SIN3B: variants seen among roughly 807,000 people sequenced by gnomAD.
SIN3B encodes SIN3 transcription regulator family member B.
A neutral mutation model predicts 120.2 loss-of-function variants in SIN3B; 19 were observed. That is an observed-to-expected ratio of 0.16 (90% CI 0.11 to 0.23). The LOEUF (loss-of-function observed/expected upper bound fraction) is 0.23, where lower values mean the gene tolerates loss of function less well. Among genes scored for constraint, SIN3B ranks in the 10% least tolerant of loss-of-function variants. The pLI, the probability that SIN3B is intolerant of heterozygous loss-of-function variation, is 1.00. For missense variants in SIN3B, 1,073 were observed against 1,573.0 expected (o/e 0.68, Z 5.38); for synonymous variants, 654 against 653.2 (o/e 1.00, Z -0.02).
intron 4 of SIN3B, among the ~76,000 whole-genome samples, chr19:16,844,981 G>C (rs1971461860): frequency 6.6e-6 from 1 of 152,170 alleles, no homozygotes; most frequent in Admixed American, 6.5e-5. Context: ...ATACTCCCAC[G>C]GGGTTCTGGT....
chr19:16,871,401 G>A lies in SIN3B; in HGVS notation c.2592+3G>A. Reference sequence around the variant, plus strand: ...TGGTGCAGAACATTGCGCGGCAGGTGAGCCGGGCCGGGGTGGGGCCGGCCC... The same window carrying A: ...TGGTGCAGAACATTGCGCGGCAGGTAAGCCGGGCCGGGGTGGGGCCGGCCC... On this transcript the variant is annotated splice_donor_region_variant and intron_variant, in intron 14 of 18. Coordinates refer to ENST00000248054, the MANE Select transcript of SIN3B (RefSeq NM_001297595.2). 1.3e-6 allele frequency: 2 copies of A among 1,597,126 alleles called. No individual in the cohort carries two copies. Among genetic ancestry groups the A allele is most frequent in the Non-Finnish European group, 1.7e-6 (2 of 1,170,422 alleles).
At chr19:16,842,433 G>T (rs1971430101) in intron 4 of SIN3B, among the ~76,000 whole-genome samples, 1 of 147,104 alleles carries the variant, frequency 6.8e-6, no homozygotes, top group African/African-American at 2.5e-5. Flanking sequence ...TTGAGACAGG[G>T]TCTTGCTCTG....
At chr19:16,829,651 C>T in intron 1 of SIN3B, 111 bp downstream of exon 1, 3 of 1,093,516 alleles carry the variant, frequency 2.7e-6, no homozygotes, top group Non-Finnish European at 3.6e-6. Flanking sequence ...CTCCCCTCTG[C>T]ACTGCCCCGG....
Position 16,862,651 on chromosome 19 carries a change from G to A in SIN3B, c.1266+92G>A. ...CCGATACCCCCGTTATGAATGAAAT[G>A]CTGTGTGCTCAGCCCTCCTGAATGT... On this transcript the variant is annotated intron_variant, in intron 9 of 18. Transcript: ENST00000248054. The surrounding 1 kb of genome is among the most constrained non-coding windows in gnomAD (Gnocchi z 4.7). The A allele has an allele frequency of 7.7e-7, 1 of 1,301,702 alleles. No individual in the cohort carries two copies. The highest frequency in any genetic ancestry group is 1.8e-5 in the Admixed American group (1 of 55,840). 80.6% of individuals were successfully genotyped at this position (1,301,702 alleles called of 1,614,324 possible).
intron 5 of SIN3B, among the ~76,000 whole-genome samples, chr19:16,850,631 G>A (rs1476347627): frequency 2.0e-5 from 3 of 152,100 alleles, no homozygotes; most frequent in Non-Finnish European, 4.4e-5. Flanking sequence ...GGGGAAGGCG[G>A]AGTACGATGG....
chr19:16,830,631 A>G (rs549286736), intron 2 of SIN3B, among the ~76,000 whole-genome samples: 1 of 152,322 alleles, frequency 6.6e-6, no homozygotes, highest in East Asian at 1.9e-4. Flanking sequence ...CTTAGGAAAC[A>G]TGGTGGGGCT....
chr19:16,878,274 G>A lies in SIN3B; in HGVS notation c.3046G>A (p.Val1016Met), dbSNP rs1199662315. Residue 1016 changes from valine (V) to methionine (M), a missense_variant, in exon 18 of 19, where the codon GTG (valine) becomes ATG (methionine). Around this residue, in one of 7 missense-constraint regions of SIN3B, gnomAD observed 311 missense variants for 400.3 expected, o/e 0.78. Coordinates refer to ENST00000248054, the MANE Select transcript of SIN3B (RefSeq NM_001297595.2). Reference protein sequence around the residue: ...ARSSWKRLVGVESACDVDCRF... With the variant: ...ARSSWKRLVGMESACDVDCRF... ...GAGCTCCTGGAAGCGGCTGGTGGGC[G>A]TGGAGAGCGCCTGCGACGTGGACTG... 13 of 1,600,562 alleles carry A rather than the reference G, an allele frequency of 8.1e-6. No individual in the cohort carries two copies. The East Asian group carries it at 9.1e-5, about 11-fold the overall frequency.
chr19:16,875,500 TTGGTCTGGTCTGGTCTGTTTGGTC>T (rs1255545252), intron 14 of SIN3B, among the ~76,000 whole-genome samples: 1 of 144,110 alleles, frequency 6.9e-6, no homozygotes, highest in East Asian at 2.1e-4. Flanking sequence ...CTGGTCTGGT[TTGGTCTGGTCTGGTCTGTTTGGTC>T]TGGTCTGGTC....
At chr19:16,837,783 G>A (rs1971366431) in intron 3 of SIN3B, among the ~76,000 whole-genome samples, 1 of 152,156 alleles carries the variant, frequency 6.6e-6, no homozygotes, top group Non-Finnish European at 1.5e-5. Context: ...GGGGGTGTCA[G>A]TGAGAGTGAG....
Position 16,841,959 on chromosome 19 carries a change from C to T in SIN3B, c.573C>T (p.His191=), listed in dbSNP as rs540641860. ...ACAGGTCATTCCTGGAGATCCTGCA[C>T]ACGTACCAGGTAAGAACTCAGATTA... is the stretch of plus-strand genomic sequence containing the variant. ...EIYRSFLEIL[H]TYQKEQLNTR... Residue 191 remains histidine, a synonymous_variant, in exon 4 of 19, where the codon CAC becomes CAT. Transcript: ENST00000248054. 2 of 1,613,442 alleles carry T rather than the reference C, an allele frequency of 1.2e-6. No homozygotes were observed. Among genetic ancestry groups the T allele is most frequent in the African/African-American group, 1.3e-5 (1 of 75,028 alleles).
intron 12 of SIN3B, 83 bp from the exon 13 acceptor site, chr19:16,869,377 T>C: frequency 6.8e-7 from 1 of 1,476,688 alleles, no homozygotes; most frequent in Non-Finnish European, 9.0e-7. Flanking sequence ...GGTGGCCCAG[T>C]TAACAGCGAG....
At chr19:16,840,978 A>G (rs1460397725) in intron 3 of SIN3B, among the ~76,000 whole-genome samples, 1 of 152,172 alleles carries the variant, frequency 6.6e-6, no homozygotes. Flanking sequence ...TATCCAAGCA[A>G]AAACCTCAGC....
chr19:16,876,410 G>A lies in SIN3B; in HGVS notation c.2767-76G>A, dbSNP rs1025986951. On this transcript the variant is annotated intron_variant, in intron 15 of 18. Transcript: ENST00000248054. The surrounding 1 kb of genome is among the most constrained non-coding windows in gnomAD (Gnocchi z 7.1). ...TGGGAGGGTGGCAAAGGCGGGAGGC[G>A]GGTGGCCTTGCGAGCCTGCGCTGTG... The A allele has an allele frequency of 2.5e-5, 38 of 1,497,712 alleles. No individual in the cohort carries two copies. Among genetic ancestry groups the A allele is most frequent in the Admixed American group, 5.5e-5 (3 of 54,928 alleles). The allele number at this position is 1,497,712 out of a possible 1,614,324, so 92.8% of individuals were successfully genotyped here.
chr19:16,865,705 C>T (rs1439370982), intron 11 of SIN3B, 57 bp downstream of exon 11: 6 of 1,058,870 alleles, frequency 5.7e-6, no homozygotes, highest in African/African-American at 4.8e-5. Flanking sequence ...CCCTCCCCTC[C>T]CCTCCCCTCC....
At chr19:16,866,243 A>T in intron 11 of SIN3B, 130 bp from the exon 12 acceptor site, 1 of 824,062 alleles carries the variant, frequency 1.2e-6, no homozygotes, top group Non-Finnish European at 1.9e-6. Context: ...TGCACAGACT[A>T]GGCTGGGAGC....
Position 16,869,956 on chromosome 19 carries a change from G to A in SIN3B, c.2303G>A (p.Arg768His), listed in dbSNP as rs751179996. 5.5e-5 allele frequency: 88 copies of A among 1,614,090 alleles called. No individual in the cohort carries two copies. Among genetic ancestry groups the A allele is most frequent in the East Asian group, 2.7e-4 (12 of 44,896 alleles). Reference sequence around the variant, plus strand: ...TGCTCCAGGCTGCTGAAGATCTACCGCCAGGCGCAGAAGCAGCTTCTGGAG... The same window carrying A: ...TGCTCCAGGCTGCTGAAGATCTACCACCAGGCGCAGAAGCAGCTTCTGGAG... ...TLCSRLLKIYRQAQKQLLEYR... is the reference protein window; with the variant it reads ...TLCSRLLKIYHQAQKQLLEYR... Residue 768 changes from arginine to histidine, a missense_variant, in exon 13 of 19, where the codon CGC becomes CAC. Coordinates refer to ENST00000248054, the MANE Select transcript of SIN3B (RefSeq NM_001297595.2).
rs541788015 is a variant in SIN3B at position 16,834,922 on chromosome 19, C to CT, written c.381+3290dup. On this transcript the variant is annotated intron_variant, in intron 3 of 18. Coordinates refer to ENST00000248054, the MANE Select transcript of SIN3B (RefSeq NM_001297595.2). ...TATTCTTTCTTTCTTTCTTTTCTTTCTTTTTTTTTTTTTTTGTGACAGAGT... is the reference window on the plus strand; with the variant it reads ...TATTCTTTCTTTCTTTCTTTTCTTTCTTTTTTTTTTTTTTTTGTGACAGAGT... Among the ~76,000 whole-genome samples the CT allele has an allele frequency of 2.7e-3, 380 of 140,610 alleles. 1 individual carries two copies. The highest frequency in any genetic ancestry group is 7.3e-3 in the Middle Eastern group (2 of 274). 92.2% of individuals were successfully genotyped at this position (140,610 alleles called of 152,430 possible).
At position 16,869,947 on chromosome 19, in the gene SIN3B, A is replaced by G. The variant is rs1259209117; in HGVS notation, c.2294A>G (p.Lys765Arg). Residue 765 changes from lysine (K) to arginine (R), a missense_variant, in exon 13 of 19, where the codon AAG becomes AGG. Around this residue, in one of 7 missense-constraint regions of SIN3B, gnomAD observed 52 missense variants for 68.8 expected, o/e 0.76. Transcript: ENST00000248054. ...CAGACCCTGTGCTCCAGGCTGCTGA[A>G]GATCTACCGCCAGGCGCAGAAGCAG... ...LHQTLCSRLL[K>R]IYRQAQKQLL... 1.2e-6 allele frequency: 2 copies of G among 1,614,244 alleles called. No homozygotes were observed. The highest frequency in any genetic ancestry group is 1.7e-6 in the Non-Finnish European group (2 of 1,180,052).
At chr19:16,832,613 G>A (rs1011802646) in intron 3 of SIN3B, among the ~76,000 whole-genome samples, 6 of 150,394 alleles carry the variant, frequency 4.0e-5, no homozygotes, top group South Asian at 2.1e-4. Flanking sequence ...TGATCCTCCC[G>A]TCTCAGCCTC....
Sources: gnomAD v4.1 joint callset for allele counts (sites outside exome capture counted in the v4.1 genomes callset) on GRCh38, gnomAD v4.1.1 for gene constraint, gnomAD v4.1.1 regional missense constraint, Gnocchi (gnomAD v3.1) non-coding constraint, MANE v1.5 for transcripts, NCBI Gene and HGNC (gene_info 2026-07-23, HGNC 2026-07-21) for gene names.